The following AFAP1L2 variants were observed in gnomAD, a reference collection of about 807,000 sequenced individuals.
AFAP1L2 encodes actin filament-associated protein 1-like 2.
Under a neutral mutation model 99.3 loss-of-function variants are expected in AFAP1L2, and 46 were observed. That is an observed-to-expected ratio of 0.46 (90% CI 0.37 to 0.59). The LOEUF is 0.59. Among genes scored for constraint, AFAP1L2 ranks in the 20% least tolerant of loss-of-function variants. The pLI is 0.00. For synonymous variants in AFAP1L2, 397 were observed against 419.1 expected (o/e 0.95, Z 0.64); for missense variants, 959 against 1,034.9 (o/e 0.93, Z 1.01).
At chr10:114,384,381 C>A (rs1229581945) in intron 1 of AFAP1L2, among the ~76,000 whole-genome samples, 1 of 151,222 alleles carries the variant, frequency 6.6e-6, no homozygotes, top group African/African-American at 2.4e-5. Flanking sequence ...TGCAGGCTCT[C>A]TGAGAAGGGC....
intron 11 of AFAP1L2, 93 bp from the exon 12 acceptor site, chr10:114,302,577 T>A: frequency 6.6e-7 from 1 of 1,511,846 alleles, no homozygotes. Flanking sequence ...CCCCTACCCC[T>A]GAGCCTGCCC....
chr10:114,404,507 G>A (rs1346182947), upstream of AFAP1L2: 12 of 1,520,912 alleles, frequency 7.9e-6, no homozygotes, highest in Admixed American at 2.0e-4. Flanking sequence ...TGCTCTCCCG[G>A]CGCTCGGCTC....
chr10:114,299,516 C>T (rs1298246103), intron 15 of AFAP1L2, 101 bp from the exon 16 acceptor site: 23 of 1,453,124 alleles, frequency 1.6e-5, no homozygotes, highest in Middle Eastern at 1.8e-4. Flanking sequence ...GGCTTTGGCA[C>T]AAAGCCCTGC....
chr10:114,359,158 T>A (rs2051842055), intron 1 of AFAP1L2, among the ~76,000 whole-genome samples: 1 of 152,198 alleles, frequency 6.6e-6, no homozygotes, highest in South Asian at 2.1e-4. Context: ...TGATTAGGAT[T>A]CCTGGTGTGT....
Position 114,369,456 on chromosome 10 carries a change from G to A in AFAP1L2, c.17-28725C>T, listed in dbSNP as rs1054922972. 2.6e-5 allele frequency among the ~76,000 whole-genome samples: 4 copies of A among 152,046 alleles called. No individual in the cohort carries two copies. The East Asian group carries it at 5.8e-4, about 22-fold the overall frequency. On this transcript the variant is annotated intron_variant, in intron 1 of 18. Coordinates refer to ENST00000304129, the MANE Select transcript of AFAP1L2 (RefSeq NM_001001936.3). ...TAAAAATACAAAAAATTAGCCGGGC[G>A]TGGTGGCGGGCGCCTGTAGTCCCAG... is the stretch of plus-strand genomic sequence containing the variant.
Position 114,404,480 on chromosome 10 carries a change from C to G in AFAP1L2, c.-25G>C. 1 of 1,535,362 alleles carries G rather than the reference C, an allele frequency of 6.5e-7. No individual in the cohort carries two copies. The stretch of plus-strand genomic sequence containing the variant: ...TCGGGGCCACGGAGTGCGCTCCTCG[C>G]GGCTCGGCTTCTGCGCTGCTCTCCC... On this transcript the variant is annotated 5_prime_UTR_variant, in exon 1 of 19. Transcript: ENST00000304129.
At chr10:114,380,460 T>C (rs1291796121) in intron 1 of AFAP1L2, among the ~76,000 whole-genome samples, 1 of 152,220 alleles carries the variant, frequency 6.6e-6, no homozygotes, top group Non-Finnish European at 1.5e-5. Flanking sequence ...TCAGAGGTCA[T>C]GGGAGCAGAA....
intron 1 of AFAP1L2, among the ~76,000 whole-genome samples, chr10:114,382,588 C>CTTCT (rs747277134): frequency 0.27 from 25,361 of 93,090 alleles, 4,631 homozygotes; most frequent in African/African-American, 0.45. Context: ...TATTTCTTCT[C>CTTCT]TTTTTTTTTT....
chr10:114,403,450 C>T (rs935726654), intron 1 of AFAP1L2, among the ~76,000 whole-genome samples: 2 of 152,156 alleles, frequency 1.3e-5, no homozygotes, highest in African/African-American at 4.8e-5. Context: ...ATTACTCTCT[C>T]CCAGGGGAAA....
At chr10:114,363,001 G>T in intron 1 of AFAP1L2, 4 of 985,420 alleles carry the variant, frequency 4.1e-6, no homozygotes, top group Non-Finnish European at 4.8e-6. Flanking sequence ...CCCGACAGGT[G>T]GGGAGGGACA....
chr10:114,298,331 T>G (rs1168988351), intron 16 of AFAP1L2, among the ~76,000 whole-genome samples: 1 of 152,020 alleles, frequency 6.6e-6, no homozygotes, highest in Admixed American at 6.5e-5. Flanking sequence ...TGACCCAAGA[T>G]CACGCCACTG....
intron 2 of AFAP1L2, among the ~76,000 whole-genome samples, chr10:114,339,456 A>G (rs948072363): frequency 7.2e-5 from 11 of 152,218 alleles, no homozygotes; most frequent in African/African-American, 2.7e-4. Flanking sequence ...CAAAAAAAAA[A>G]GAAAATACTT....
chr10:114,283,759 T>G, the AFAP1L2 span, among the ~76,000 whole-genome samples: 5 of 152,252 alleles, frequency 3.3e-5, no homozygotes, highest in African/African-American at 1.2e-4. Flanking sequence ...GATGCTCAGT[T>G]AAAGGCCACT....
intron 1 of AFAP1L2, among the ~76,000 whole-genome samples, chr10:114,359,779 G>C (rs1292189800): frequency 6.6e-6 from 1 of 152,094 alleles, no homozygotes; most frequent in Non-Finnish European, 1.5e-5. Flanking sequence ...GTGCTGACGT[G>C]GTCAGGGCAA....
intron 1 of AFAP1L2, chr10:114,363,081 G>A: frequency 1.0e-6 from 1 of 985,430 alleles, no homozygotes; most frequent in Non-Finnish European, 1.2e-6. Context: ...CTCACTTGGT[G>A]ACAGTGGGAT....
intron 2 of AFAP1L2, among the ~76,000 whole-genome samples, chr10:114,333,840 T>A (rs1191829796): frequency 1.3e-5 from 2 of 151,964 alleles, no homozygotes; most frequent in Admixed American, 6.6e-5. Context: ...AAAAAAGAAA[T>A]CCTAAGTTCA....
At chr10:114,369,590 G>C (rs1160577428) in intron 1 of AFAP1L2, among the ~76,000 whole-genome samples, 2 of 97,202 alleles carry the variant, frequency 2.1e-5, no homozygotes, top group Non-Finnish European at 3.7e-5. Context: ...GCGAGACTCC[G>C]ACTCAAAAAA....
intron 1 of AFAP1L2, among the ~76,000 whole-genome samples, chr10:114,355,492 G>T (rs1182858716): frequency 6.6e-6 from 1 of 151,912 alleles, no homozygotes; most frequent in Non-Finnish European, 1.5e-5. Flanking sequence ...GAAACTATGG[G>T]CATAGTCTTT....
chr10:114,392,316 G>C (rs545795146), intron 1 of AFAP1L2, among the ~76,000 whole-genome samples: 74 of 152,334 alleles, frequency 4.9e-4, no homozygotes, highest in African/African-American at 1.8e-3. Context: ...TTGAGCTCAG[G>C]AATTTGAGAC....
Sources: allele counts gnomAD v4.1 joint callset (sites outside exome capture counted in the v4.1 genomes callset), GRCh38; gene constraint gnomAD v4.1.1; transcripts MANE v1.5; gene names NCBI Gene and HGNC (gene_info 2026-07-23, HGNC 2026-07-21).